NUP155: variants seen among roughly 807,000 people sequenced by gnomAD.
NUP155 encodes the protein nucleoporin 155.
In NUP155, 71 loss-of-function variants were observed where a neutral mutation model predicts 180.4. That is an observed-to-expected ratio of 0.39 (90% CI 0.33 to 0.48). NUP155 has a LOEUF of 0.48. Among genes scored for constraint, NUP155 ranks in the 20% least tolerant of loss-of-function variants. The pLI is 0.91. For synonymous variants in NUP155, 582 were observed against 559.5 expected, an observed-to-expected ratio of 1.04 and a Z score of -0.57; for missense variants, 1,553 against 1,648.9, an observed-to-expected ratio of 0.94 and a Z score of 1.01.
In NUP155 at chr5:37,291,911, G is replaced by A. The variant is rs777285421; in HGVS notation, c.4165C>T (p.Arg1389Trp). The A allele has an allele frequency of 3.3e-5, 53 of 1,613,692 alleles. No homozygotes were observed. In the Middle Eastern group the frequency reaches 8.2e-4, roughly 25 times the overall value. The change falls in exon 35 of 35, where the codon CGG (arginine) becomes TGG (tryptophan). Residue 1389 changes from arginine (R) to tryptophan (W), a missense_variant. Physicochemically the swap from Arg to Trp is moderately radical, Grantham distance 101. Transcript: ENST00000231498. ...GTATATCACAGTAATTAATGAAGCC[G>A]TTCTAATTTAGCTTGAAGAGATTTA... Reference protein sequence around the residue: ...NFKSLQAKLERLH With the variant: ...NFKSLQAKLEWLH
Position 37,288,420 on chromosome 5 carries a change from A to C in NUP155, c.*3480T>G, listed in dbSNP as rs1270137407. The C allele has an allele frequency of 2.0e-5, 3 of 151,720 alleles. No homozygotes were observed. Among genetic ancestry groups the C allele is most frequent in the Non-Finnish European group, 4.4e-5 (3 of 67,982 alleles). 9.4% of individuals were successfully genotyped at this position (151,720 alleles called of 1,614,324 possible). On this transcript the variant is annotated 3_prime_UTR_variant, in exon 35 of 35. Transcript: ENST00000231498. ...CACTAAATGTACATGTACATCAGTCAGTATCTCATAGCATAAACAGTTAGT... is the reference window on the plus strand; with the variant it reads ...CACTAAATGTACATGTACATCAGTCCGTATCTCATAGCATAAACAGTTAGT...
rs375874689 is a variant in NUP155, at chr5:37,371,025, A to C, written c.-48T>G. ...GTCCAGAAAAAGTCAAAAACCAAGG[A>C]GAAACAAGAAAAGATCCAAGAAGTT... On this transcript the variant is annotated 5_prime_UTR_variant, in exon 1 of 35. Coordinates refer to ENST00000231498, the MANE Select transcript of NUP155 (RefSeq NM_153485.3). 1.7e-4 allele frequency: 267 copies of C among 1,595,186 alleles called. No individual in the cohort carries two copies. Among genetic ancestry groups the C allele is most frequent in the Non-Finnish European group, 2.2e-4 (251 of 1,166,226 alleles).
chr5:37,310,016 A>C (rs1743424487), intron 23 of NUP155, among the ~76,000 whole-genome samples: 1 of 151,632 alleles, frequency 6.6e-6, no homozygotes, highest in Admixed American at 6.6e-5. Context: ...CTCAGTCTTA[A>C]AAAAAAAGAG....
intron 16 of NUP155, among the ~76,000 whole-genome samples, 154 bp downstream of exon 16, chr5:37,329,036 A>G (rs1328405125): frequency 1.3e-5 from 2 of 152,220 alleles, no homozygotes; most frequent in Admixed American, 1.3e-4. Context: ...ATATTAATAG[A>G]TCACTTTTAA....
At chr5:37,344,205 T>C (rs1303870538) in intron 9 of NUP155, among the ~76,000 whole-genome samples, 2 of 151,774 alleles carry the variant, frequency 1.3e-5, no homozygotes, top group East Asian at 3.9e-4. Flanking sequence ...TAGCCAAGAA[T>C]AGTGGCGCAC....
chr5:37,352,065 A>C (rs1468639707), intron 5 of NUP155, among the ~76,000 whole-genome samples: 1 of 151,884 alleles, frequency 6.6e-6, no homozygotes, highest in East Asian at 1.9e-4. Flanking sequence ...TCTTCTAAAA[A>C]TACAAAATTA....
chr5:37,342,793 G>A (rs937474586), intron 9 of NUP155, 147 bp from the exon 10 acceptor site: 5 of 629,002 alleles, frequency 7.9e-6, no homozygotes, highest in Non-Finnish European at 1.2e-5. Flanking sequence ...CTGGAGGAGA[G>A]TGGCGTGATC....
intron 9 of NUP155, among the ~76,000 whole-genome samples, chr5:37,348,073 G>C (rs927608102): frequency 2.0e-5 from 3 of 152,118 alleles, no homozygotes; most frequent in Non-Finnish European, 4.4e-5. Context: ...GGCAGAAGTT[G>C]CGGTGAGCAG....
chr5:37,309,249 G>T lies in NUP155; in HGVS notation c.2647C>A (p.Arg883Ser). ...ICSKANELLQRSRQVQNKTEK... is the reference protein window; with the variant it reads ...ICSKANELLQSSRQVQNKTEK... ...GTCTTATTTTGAACTTGTCGGGAAC[G>T]CTGGAGAAGCTCATTTGCCTAGAAG... The change falls in exon 24 of 35, where the codon CGT (arginine) becomes AGT (serine). Residue 883 changes from arginine to serine, a missense_variant. By Grantham distance (110) the Arg-to-Ser change is moderately radical. Transcript: ENST00000231498. The T allele has an allele frequency of 6.2e-7, 1 of 1,610,318 alleles. No individual in the cohort carries two copies.
chr5:37,294,762 GT>G (rs888509098), intron 32 of NUP155, among the ~76,000 whole-genome samples: 1 of 151,806 alleles, frequency 6.6e-6, no homozygotes, highest in Admixed American at 6.6e-5. Context: ...GAAAAAAAAA[GT>G]TTTTTTTAAA....
Position 37,309,189 on chromosome 5 carries a change from C to A in NUP155, c.2707G>T (p.Glu903Ter). ...KERMLRESLK[E>*]YQKISNQVDL... ...ACTTGATTGCTAATTTTTTGATATT[C>A]CTTTAATGATTCCCTTAACATTCTT... The change falls in exon 24 of 35, where the codon GAA becomes TAA. Residue 903 changes from glutamate (E) to a stop codon, truncating the protein, a stop_gained. Coordinates refer to ENST00000231498, the MANE Select transcript of NUP155 (RefSeq NM_153485.3). LOFTEE classifies it high-confidence loss of function. 6.2e-7 allele frequency: 1 copy of A among 1,613,452 alleles called. No homozygotes were observed. The highest frequency in any genetic ancestry group is 8.5e-7 in the Non-Finnish European group (1 of 1,179,608).
Position 37,318,067 on chromosome 5 carries a change from C to T in NUP155, c.2226G>A (p.Gln742=), listed in dbSNP as rs1561780455. 1.2e-6 allele frequency: 2 copies of T among 1,609,760 alleles called. No individual in the cohort carries two copies. The highest frequency in any genetic ancestry group is 1.7e-4 in the Middle Eastern group (1 of 6,058). The change falls in exon 21 of 35, where the codon CAG becomes CAA. Residue 742 remains glutamine, a synonymous_variant. Transcript: ENST00000231498. ...LGNPNTTAKV[Q]QRLIGFMRPE... ...GACGCATGAATCCTATCAGCCTCTG[C>T]TGCACTTTAGCAGTAGTACTGAAAC...
In NUP155 at chr5:37,327,662, T is replaced by C. The variant is rs142354357; in HGVS notation, c.1991A>G (p.Asn664Ser). The part of the protein sequence containing the change: ...GPEIVYSGKH[N>S]GICIYFSRIM... The stretch of plus-strand genomic sequence containing the variant: ...CCGAGAAAAGTAAATGCAAATACCA[T>C]TGTGTTTTCCAGAGTACACAATCTC... The change falls in exon 18 of 35, where the codon AAT (asparagine) becomes AGT (serine). Residue 664 changes from asparagine (N) to serine (S), a missense_variant. By Grantham distance (46) the Asn-to-Ser change is conservative (BLOSUM62 1). Coordinates refer to ENST00000231498, the MANE Select transcript of NUP155 (RefSeq NM_153485.3). 10 of 1,614,052 alleles carry C rather than the reference T, an allele frequency of 6.2e-6. No homozygotes were observed. Among genetic ancestry groups the C allele is most frequent in the Admixed American group, 1.7e-5 (1 of 60,002 alleles).
In NUP155 at chr5:37,304,775, C is replaced by A; in HGVS notation, c.3126G>T (p.Trp1042Cys). Residue 1042 changes from tryptophan to cysteine, a missense_variant, in exon 27 of 35, where the codon TGG becomes TGT. By Grantham distance (215) the Trp-to-Cys change is radical. Coordinates refer to ENST00000231498, the MANE Select transcript of NUP155 (RefSeq NM_153485.3). ...DELFSIALYN[W>C]LIQVDLADKL... ...TATCTGCAAGGTCGACTTGTATTAG[C>A]CAATTATAAAGGGCAATACTAAAGA... is the stretch of plus-strand genomic sequence containing the variant. The A allele has an allele frequency of 6.2e-7, 1 of 1,613,670 alleles. No individual in the cohort carries two copies. The highest frequency in any genetic ancestry group is 8.5e-7 in the Non-Finnish European group (1 of 1,179,708).
Position 37,294,558 on chromosome 5 carries a change from T to C in NUP155, c.3794-93A>G, listed in dbSNP as rs1581124436. 1.2e-5 allele frequency: 16 copies of C among 1,293,472 alleles called. No homozygotes were observed. The East Asian group carries it at 3.6e-4, about 29-fold the overall frequency. The allele number at this position is 1,293,472 out of a possible 1,614,324, so 80.1% of individuals were successfully genotyped here. ...CATAACTGAATAGTTTCTAGGGGGA[T>C]ATCTTCTGAAATCCAATTGCAATTT... On this transcript the variant is annotated intron_variant, in intron 32 of 34. Coordinates refer to ENST00000231498, the MANE Select transcript of NUP155 (RefSeq NM_153485.3).
intron 22 of NUP155, 74 bp downstream of exon 22, chr5:37,314,124 A>G: frequency 9.0e-7 from 1 of 1,117,298 alleles, no homozygotes; most frequent in Non-Finnish European, 1.3e-6. Context: ...AATCCCCTCC[A>G]AAGCCAAAAT....
chr5:37,371,065 G>A lies in NUP155; in HGVS notation c.-88C>T, dbSNP rs112011296. 22 of 1,421,340 alleles carry A rather than the reference G, an allele frequency of 1.5e-5. No individual in the cohort carries two copies. The highest frequency in any genetic ancestry group is 9.9e-5 in the African/African-American group (7 of 70,578). 88.0% of individuals were successfully genotyped at this position (1,421,340 alleles called of 1,614,324 possible). On this transcript the variant is annotated 5_prime_UTR_variant, in exon 1 of 35. Transcript: ENST00000231498. ...TCCAAGAAGTTAGCTTAGATCCGCC[G>A]CCTAGGGCGCGCGCGCCAAACGAGC...
At chr5:37,366,808 C>T (rs1289578959) in intron 1 of NUP155, among the ~76,000 whole-genome samples, 4 of 152,048 alleles carry the variant, frequency 2.6e-5, no homozygotes, top group Non-Finnish European at 4.4e-5. Context: ...CCTGTTGCCA[C>T]GCCAGGCTAA....
At position 37,291,577 on chromosome 5, in the gene NUP155, T is replaced by C; in HGVS notation, c.*323A>G. The C allele has an allele frequency of 4.1e-6, 1 of 241,586 alleles. No homozygotes were observed. Among genetic ancestry groups the C allele is most frequent in the Non-Finnish European group, 8.2e-6 (1 of 122,568 alleles). The allele number at this position is 241,586 out of a possible 1,614,324, so 15.0% of individuals were successfully genotyped here. ...AGTTTTAATGCCAATATCCTTGGAC[T>C]AACTTGAAAATGAATAATATAAATT... On this transcript the variant is annotated 3_prime_UTR_variant, in exon 35 of 35. Transcript: ENST00000231498.
Sources: allele counts gnomAD v4.1 joint callset (sites outside exome capture counted in the v4.1 genomes callset), GRCh38; gene constraint gnomAD v4.1.1; transcripts MANE v1.5; gene names NCBI Gene and HGNC (gene_info 2026-07-23, HGNC 2026-07-21).